The following LYZL1 variants were observed in gnomAD, a reference collection of about 807,000 sequenced individuals.
The protein encoded by LYZL1 is lysozyme-like protein 1.
A neutral mutation model predicts 17.9 loss-of-function variants in LYZL1; 16 were observed. The observed-to-expected ratio is 0.90, with a 90% CI of 0.61 to 1.36. The LOEUF (loss-of-function observed/expected upper bound fraction) is 1.36. Ranked by LOEUF, LYZL1 falls within the 40% of genes most tolerant of loss-of-function variation. LYZL1 has a pLI of 0.00. For synonymous variants in LYZL1, 58 were observed against 71.8 expected, an observed-to-expected ratio of 0.81 and a Z score of 0.97; for missense variants, 149 against 188.4, an observed-to-expected ratio of 0.79 and a Z score of 1.22.
chr10:29,293,826 T>C lies in LYZL1; in HGVS notation c.298+1149T>C, dbSNP rs920592486. On this transcript the variant is annotated intron_variant, in intron 3 of 4. Coordinates refer to ENST00000649382, the MANE Select transcript of LYZL1 (RefSeq NM_032517.6). ...CATCTCTACTAAATAATACAAAAAT[T>C]AGCTGGGCACGGTGGTAGGTGCCTG... Among the ~76,000 whole-genome samples, 12 of 151,666 alleles carry C rather than the reference T, an allele frequency of 7.9e-5. No individual in the cohort carries two copies. In the South Asian group the frequency reaches 1.3e-3, roughly 16 times the overall value.
intron 1 of LYZL1, among the ~76,000 whole-genome samples, chr10:29,291,485 GTA>G (rs1835364546): frequency 6.6e-6 from 1 of 151,646 alleles, no homozygotes; most frequent in South Asian, 2.1e-4. Context: ...AGGGTCAGCA[GTA>G]TAGGGAATGT....
chr10:29,306,975 C>T (rs1835605182), intron 3 of LYZL1, among the ~76,000 whole-genome samples: 1 of 152,100 alleles, frequency 6.6e-6, no homozygotes, highest in Non-Finnish European at 1.5e-5. Flanking sequence ...CTGCCTCTGT[C>T]TTCTGAGTAG....
At chr10:29,313,175 G>A (rs1229851176), downstream of LYZL1, among the ~76,000 whole-genome samples, 2 of 152,106 alleles carry the variant, frequency 1.3e-5, no homozygotes, top group African/African-American at 4.8e-5. Flanking sequence ...AATTTAACAG[G>A]CATTATAAAC....
intron 3 of LYZL1, among the ~76,000 whole-genome samples, chr10:29,303,255 G>A (rs144978324): frequency 4.6e-5 from 7 of 152,200 alleles, no homozygotes; most frequent in East Asian, 1.9e-4. Context: ...CTGCCTTGGC[G>A]TCTGATGTCT....
chr10:29,307,150 G>A (rs565699286), intron 3 of LYZL1, among the ~76,000 whole-genome samples: 3 of 152,110 alleles, frequency 2.0e-5, no homozygotes, highest in South Asian at 2.1e-4. Flanking sequence ...TACTGTGCCC[G>A]GCTACTCTCA....
chr10:29,310,428 C>T (rs551600483), intron 4 of LYZL1, among the ~76,000 whole-genome samples: 9 of 150,814 alleles, frequency 6.0e-5, no homozygotes, highest in Admixed American at 2.0e-4. Context: ...TTCATATGAA[C>T]GTATTCCAAA....
At chr10:29,315,285 G>A (rs372470506), downstream of LYZL1, among the ~76,000 whole-genome samples, 2 of 151,936 alleles carry the variant, frequency 1.3e-5, no homozygotes, top group Non-Finnish European at 2.9e-5. Flanking sequence ...CAAGGTGGGC[G>A]GATCACCTGA....
intron 3 of LYZL1, among the ~76,000 whole-genome samples, chr10:29,316,252 C>A (rs1835728623): frequency 6.6e-6 from 1 of 152,218 alleles, no homozygotes; most frequent in African/African-American, 2.4e-5. Context: ...TCTCCCTTCT[C>A]TCATCTGATT....
Position 29,304,507 on chromosome 10 carries a change from A to G in LYZL1, c.299-5603A>G, listed in dbSNP as rs368862988. 2.6e-5 allele frequency among the ~76,000 whole-genome samples: 4 copies of G among 152,330 alleles called. No homozygotes were observed. In the East Asian group the frequency reaches 7.7e-4, roughly 29 times the overall value. Reference sequence around the variant, plus strand: ...GACACAGATACTTTGAAGTAGAACTAACATAACTGAAAATAGGACTGAAGC... The same window carrying G: ...GACACAGATACTTTGAAGTAGAACTGACATAACTGAAAATAGGACTGAAGC... On this transcript the variant is annotated intron_variant, in intron 3 of 4. Transcript: ENST00000649382.
At chr10:29,312,714 C>A (rs2132840464), downstream of LYZL1, among the ~76,000 whole-genome samples, 1 of 152,236 alleles carries the variant, frequency 6.6e-6, no homozygotes, top group Admixed American at 6.5e-5. Context: ...GGGATGGCAC[C>A]CCCTCCTGGC....
intron 3 of LYZL1, among the ~76,000 whole-genome samples, chr10:29,302,417 AC>A (rs75881946): frequency 0.22 from 33,329 of 152,168 alleles, 3,692 homozygotes; most frequent in Admixed American, 0.29. Context: ...AAAGGCCGGC[AC>A]GAGGGATGCT....
intron 3 of LYZL1, among the ~76,000 whole-genome samples, chr10:29,301,716 A>T (rs1387275710): frequency 6.6e-6 from 1 of 152,106 alleles, no homozygotes; most frequent in Non-Finnish European, 1.5e-5. Context: ...TATAATTTTC[A>T]TTAAATTTGA....
At chr10:29,314,087 G>T (rs1835702735), downstream of LYZL1, among the ~76,000 whole-genome samples, 1 of 152,190 alleles carries the variant, frequency 6.6e-6, no homozygotes, top group African/African-American at 2.4e-5. Flanking sequence ...TTCCCCTCAG[G>T]TGTCCTTGCT....
At chr10:29,300,361 C>T (rs1031090869) in intron 3 of LYZL1, among the ~76,000 whole-genome samples, 2 of 151,982 alleles carry the variant, frequency 1.3e-5, no homozygotes, top group Non-Finnish European at 2.9e-5. Flanking sequence ...TACATTCTAC[C>T]CTCAAATAAC....
intron 3 of LYZL1, among the ~76,000 whole-genome samples, chr10:29,301,894 C>G (rs1835523897): frequency 6.9e-6 from 1 of 143,902 alleles, no homozygotes; most frequent in Admixed American, 7.1e-5. Context: ...ATTGTTATGT[C>G]TTCAAGTCCA....
chr10:29,295,132 C>T (rs759255175), intron 3 of LYZL1, among the ~76,000 whole-genome samples: 3 of 152,048 alleles, frequency 2.0e-5, no homozygotes, highest in Non-Finnish European at 4.4e-5. Context: ...GTATATTGTC[C>T]CTACCCTAAC....
At chr10:29,310,311 C>T (rs111289749) in intron 4 of LYZL1, 123 bp downstream of exon 4, 1 of 694,848 alleles carries the variant, frequency 1.4e-6, no homozygotes, top group Admixed American at 2.4e-5. Context: ...TGGAAGGAGA[C>T]CTTGTCTATA....
chr10:29,303,910 C>T (rs1835555082), intron 3 of LYZL1, among the ~76,000 whole-genome samples: 1 of 152,200 alleles, frequency 6.6e-6, no homozygotes. Flanking sequence ...CATGGATACA[C>T]TTCATGATCT....
At position 29,304,201 on chromosome 10, in the gene LYZL1, C is replaced by T. The variant is rs191922592; in HGVS notation, c.299-5909C>T. On this transcript the variant is annotated intron_variant, in intron 3 of 4. Transcript: ENST00000649382. ...TATACAAAGCATACATAAGCACACA[C>T]GTTCATATACCTACACATATACATA... 1.2e-4 allele frequency among the ~76,000 whole-genome samples: 19 copies of T among 152,276 alleles called. No homozygotes were observed. In the East Asian group the frequency reaches 3.1e-3, roughly 25 times the overall value.
Sources: gnomAD v4.1 joint callset for allele counts (sites outside exome capture counted in the v4.1 genomes callset) on GRCh38, gnomAD v4.1.1 for gene constraint, MANE v1.5 for transcripts, NCBI Gene and HGNC (gene_info 2026-07-23, HGNC 2026-07-21) for gene names.